ADGRV1: variants seen among roughly 807,000 people sequenced by gnomAD.
The protein encoded by ADGRV1 is adhesion G protein-coupled receptor V1, also known as G-protein coupled receptor 98.
In ADGRV1, 359 loss-of-function variants were observed where a neutral mutation model predicts 596.2. The ratio of observed to expected loss-of-function variants is 0.60; its 90% CI spans 0.55 to 0.66. The LOEUF is 0.66. Among genes scored for constraint, ADGRV1 ranks in the 30% least tolerant of loss-of-function variants. The pLI, the probability that ADGRV1 is intolerant of heterozygous loss-of-function variation, is 0.00. For synonymous variants in ADGRV1, 2,681 were observed against 2,679.2 expected (o/e 1.00, Z -0.02); for missense variants, 7,274 against 7,575.6 (o/e 0.96, Z 1.48).
chr5:90,648,429 G>A (rs1768108161), intron 17 of ADGRV1, among the ~76,000 whole-genome samples: 1 of 152,040 alleles, frequency 6.6e-6, no homozygotes, highest in South Asian at 2.1e-4. Flanking sequence ...CCTTTTGAGA[G>A]TAAGGTAAAG....
intron 86 of ADGRV1, among the ~76,000 whole-genome samples, chr5:91,082,694 T>G (rs1789506338): frequency 6.6e-6 from 1 of 152,184 alleles, no homozygotes; most frequent in Non-Finnish European, 1.5e-5. Context: ...TGTTTTATCT[T>G]GGAATAAGTA....
chr5:90,569,088 G>A (rs905775615), intron 1 of ADGRV1, among the ~76,000 whole-genome samples: 4 of 152,050 alleles, frequency 2.6e-5, no homozygotes, highest in Non-Finnish European at 5.9e-5. Context: ...GGGCAAACAA[G>A]CATGTGAGAC....
intron 21 of ADGRV1, among the ~76,000 whole-genome samples, chr5:90,668,385 C>G (rs1052292905): frequency 2.0e-5 from 3 of 152,080 alleles, no homozygotes; most frequent in African/African-American, 7.2e-5. Context: ...AGGTGCCGTC[C>G]GTCACCCCTT....
intron 83 of ADGRV1, among the ~76,000 whole-genome samples, chr5:90,932,105 C>T (rs1174868440): frequency 6.6e-6 from 1 of 152,132 alleles, no homozygotes; most frequent in East Asian, 1.9e-4. Flanking sequence ...TTATTTTCTT[C>T]GTGGGTAAAT....
chr5:90,781,682 GTGTT>G, intron 65 of ADGRV1, 104 bp downstream of exon 65: 3 of 1,049,156 alleles, frequency 2.9e-6, no homozygotes, highest in Non-Finnish European at 1.4e-6. Flanking sequence ...GTGGGTGTGT[GTGTT>G]TGTGTTTACA....
chr5:91,055,927 T>C (rs922320962), intron 85 of ADGRV1, among the ~76,000 whole-genome samples: 9 of 152,352 alleles, frequency 5.9e-5, no homozygotes, highest in Admixed American at 2.6e-4. Flanking sequence ...GAAATAAGTT[T>C]GTTTATTCCT....
intron 85 of ADGRV1, among the ~76,000 whole-genome samples, chr5:90,998,586 T>A (rs1781598171): frequency 1.3e-5 from 2 of 152,142 alleles, no homozygotes; most frequent in South Asian, 4.1e-4. Context: ...ATTGTTGTGA[T>A]GAATATCCAT....
intron 50 of ADGRV1, among the ~76,000 whole-genome samples, chr5:90,734,219 T>C (rs114342731): frequency 0.012 from 1,775 of 152,318 alleles, 37 homozygotes; most frequent in African/African-American, 0.041. Flanking sequence ...AATAGTGCTG[T>C]AATGAACATG....
intron 86 of ADGRV1, among the ~76,000 whole-genome samples, chr5:91,080,843 ATG>A (rs567303445): frequency 8.8e-4 from 134 of 152,278 alleles, no homozygotes; most frequent in African/African-American, 3.2e-3. Flanking sequence ...AGTCCTCAAT[ATG>A]TGTTAGTATT....
chr5:91,000,438 A>G (rs1411246014), intron 85 of ADGRV1, among the ~76,000 whole-genome samples: 1 of 152,150 alleles, frequency 6.6e-6, no homozygotes, highest in African/African-American at 2.4e-5. Context: ...AGGATATAAG[A>G]TTTTTAGAAA....
At chr5:90,563,081 A>T (rs1169785982) in intron 1 of ADGRV1, among the ~76,000 whole-genome samples, 1 of 152,210 alleles carries the variant, frequency 6.6e-6, no homozygotes, top group Non-Finnish European at 1.5e-5. Flanking sequence ...GGTAGGGGCC[A>T]AATAAATTTC....
chr5:90,665,546 G>A (rs1328055719), intron 21 of ADGRV1, among the ~76,000 whole-genome samples: 2 of 150,404 alleles, frequency 1.3e-5, no homozygotes, highest in Non-Finnish European at 3.0e-5. Flanking sequence ...TTATTTTGTC[G>A]ATCCTTTCAA....
chr5:90,792,741 A>G (rs1054461427), intron 70 of ADGRV1: 9 of 152,204 alleles, frequency 5.9e-5, no homozygotes, highest in African/African-American at 2.2e-4. Context: ...AAAGAGTAAT[A>G]AAAACAAAAT....
At chr5:90,570,568 G>C (rs1278915166) in intron 1 of ADGRV1, among the ~76,000 whole-genome samples, 2 of 152,044 alleles carry the variant, frequency 1.3e-5, no homozygotes, top group Non-Finnish European at 2.9e-5. Context: ...GTCTATGTTG[G>C]TATATTTTGT....
At chr5:90,788,598 G>T (rs1478773042) in intron 68 of ADGRV1, among the ~76,000 whole-genome samples, 1 of 152,016 alleles carries the variant, frequency 6.6e-6, no homozygotes, top group South Asian at 2.1e-4. Context: ...TAGAGCAGAG[G>T]TATTTGTTAT....
intron 83 of ADGRV1, among the ~76,000 whole-genome samples, chr5:90,885,856 A>G (rs1770230143): frequency 6.6e-6 from 1 of 151,740 alleles, no homozygotes. Context: ...TGCATGTAAC[A>G]TGAAGAAGAA....
rs372339480 is a variant in ADGRV1 at position 91,161,508 on chromosome 5, GT to G, written c.18803-2257del. Among the ~76,000 whole-genome samples, 1,065 of 128,820 alleles carry G rather than the reference GT, an allele frequency of 8.3e-3. 12 individuals are homozygous for G. The highest frequency in any genetic ancestry group is 0.03 in the African/African-American group (997 of 33,194). The allele number at this position is 128,820 out of a possible 152,430, so 84.5% of individuals were successfully genotyped here. On this transcript the variant is annotated intron_variant, in intron 89 of 89. Coordinates refer to ENST00000405460, the MANE Select transcript of ADGRV1 (RefSeq NM_032119.4). ...GATCTTCTGGTTGTTGTTTTTGTTA[GT>G]TTTTTTTTTTTTTTTTCAAGAGAAA...
intron 64 of ADGRV1, 89 bp downstream of exon 64, chr5:90,779,186 T>C: frequency 1.4e-6 from 1 of 697,004 alleles, no homozygotes; most frequent in Non-Finnish European, 2.4e-6. Context: ...TACTGAGCTC[T>C]AAAGCAGTTC....
intron 83 of ADGRV1, among the ~76,000 whole-genome samples, chr5:90,933,971 G>T (rs1775469546): frequency 6.6e-6 from 1 of 152,302 alleles, no homozygotes; most frequent in Non-Finnish European, 1.5e-5. Context: ...AGGTAGGCAA[G>T]GGGCCTGTCG....
Sources: gnomAD v4.1 joint callset for allele counts (sites outside exome capture counted in the v4.1 genomes callset) on GRCh38, gnomAD v4.1.1 for gene constraint, MANE v1.5 for transcripts, NCBI Gene and HGNC (gene_info 2026-07-23, HGNC 2026-07-21) for gene names.